Variants in TSFM observed in about 807,000 individuals in gnomAD.
The protein encoded by TSFM is elongation factor Ts, mitochondrial.
TSFM carries 29 observed loss-of-function variants against 33.4 expected under a neutral mutation model. The ratio of observed to expected loss-of-function variants is 0.87; its 90% CI spans 0.65 to 1.18. The LOEUF is 1.18. Ranked by LOEUF, TSFM falls within the 50% of genes most tolerant of loss-of-function variation. The probability of loss-of-function intolerance (pLI) is 0.00; values close to 1 mark genes in which losing one functional copy is unlikely to be tolerated. For missense variants in TSFM, 394 were observed against 395.6 expected (o/e 1.00, Z 0.04); for synonymous variants, 178 against 163.5 (o/e 1.09, Z -0.68).
At chr12:57,783,427 A>G (rs1955541535) in intron 2 of TSFM, 144 bp downstream of exon 2, 1 of 1,070,698 alleles carries the variant, frequency 9.3e-7, no homozygotes, top group Admixed American at 1.8e-5. Flanking sequence ...TTAAATGACA[A>G]CCTTGGCCTT....
At chr12:57,799,116 T>G (rs1009112194), downstream of TSFM, among the ~76,000 whole-genome samples, 7 of 152,118 alleles carry the variant, frequency 4.6e-5, no homozygotes, top group African/African-American at 1.7e-4. Flanking sequence ...GGAGCAGGTA[T>G]GGGAAGCAGT....
intron 5 of TSFM, among the ~76,000 whole-genome samples, chr12:57,794,961 G>A (rs1223944534): frequency 1.3e-5 from 2 of 150,800 alleles, no homozygotes; most frequent in Non-Finnish European, 3.0e-5. Context: ...GGGTTTCACC[G>A]TGTTAGCCAG....
At chr12:57,787,568 A>G (rs2140418543) in intron 4 of TSFM, among the ~76,000 whole-genome samples, 1 of 152,320 alleles carries the variant, frequency 6.6e-6, no homozygotes, top group Admixed American at 6.5e-5. Context: ...AGTTAGCCAG[A>G]TCAAGTGAAG....
At chr12:57,783,071 G>A in intron 1 of TSFM, 39 bp from the exon 2 acceptor site, 1 of 1,582,258 alleles carries the variant, frequency 6.3e-7, no homozygotes, top group East Asian at 2.2e-5. Flanking sequence ...TCTGGAGTTT[G>A]CTGCTTCCTG....
chr12:57,802,460 C>T (rs900268677), downstream of TSFM: 5 of 1,308,864 alleles, frequency 3.8e-6, no homozygotes, highest in Admixed American at 2.0e-5. Context: ...TTCACAGCCT[C>T]AGAAAACTTT....
intron 3 of TSFM, 72 bp downstream of exon 3, chr12:57,786,363 G>A: frequency 2.7e-6 from 4 of 1,502,492 alleles, no homozygotes; most frequent in Non-Finnish European, 3.6e-6. Flanking sequence ...AGGCCCTAAA[G>A]GGGCCTGTTC....
At chr12:57,797,635 G>T, downstream of TSFM, 2 of 875,088 alleles carry the variant, frequency 2.3e-6, no homozygotes, top group Non-Finnish European at 2.8e-6. Flanking sequence ...CAGTTTTAGT[G>T]CTTTCTGCTG....
At position 57,783,125 on chromosome 12, in the gene TSFM, C is replaced by A; in HGVS notation, c.73C>A (p.Arg25Ser). ...TCTCATCTAGGCTGGGTCTCTTCTGCGTCAGTCGCCCCAGCCAAGGCACAC... is the reference window on the plus strand; with the variant it reads ...TCTCATCTAGGCTGGGTCTCTTCTGAGTCAGTCGCCCCAGCCAAGGCACAC... ...TGSYPAGSLL[R>S]QSPQPRHTFY... is the part of the protein sequence containing the mutation. Residue 25 changes from arginine to serine, a missense_variant, in exon 2 of 6, where the codon CGT becomes AGT. By Grantham distance (110) the Arg-to-Ser change is moderately radical. Transcript: ENST00000652027. 1 of 1,610,700 alleles carries A rather than the reference C, an allele frequency of 6.2e-7. No individual in the cohort carries two copies. The highest frequency in any genetic ancestry group is 1.7e-5 in the Admixed American group (1 of 59,988).
intron 5 of TSFM, among the ~76,000 whole-genome samples, chr12:57,793,458 G>A (rs1327735334): frequency 2.0e-5 from 3 of 151,998 alleles, no homozygotes; most frequent in East Asian, 1.9e-4. Context: ...TCCTGACCTC[G>A]TGATCCGCCC....
chr12:57,782,887 T>G, intron 1 of TSFM, 29 bp downstream of exon 1: 13 of 1,573,430 alleles, frequency 8.3e-6, no homozygotes, highest in Non-Finnish European at 1.1e-5. Flanking sequence ...GGTACCGACC[T>G]GCTGTCCCTG....
intron 4 of TSFM, among the ~76,000 whole-genome samples, chr12:57,791,538 A>G (rs761279930): frequency 3.3e-5 from 5 of 152,162 alleles, no homozygotes; most frequent in African/African-American, 9.7e-5. Flanking sequence ...TCTTTGTTGC[A>G]CAGATAGTAG....
In TSFM at chr12:57,786,234, G is replaced by T; in HGVS notation, c.303G>T (p.Lys101Asn). 6.2e-7 allele frequency: 1 copy of T among 1,611,950 alleles called. No individual in the cohort carries two copies. Among genetic ancestry groups the T allele is most frequent in the South Asian group, 1.1e-5 (1 of 90,550 alleles). ...AAGCTGCCAAGCTCCAAGGGAGGAA[G>T]ACCAAAGAAGGCCTGATTGGGCTGT... ...WSKAAKLQGR[K>N]TKEGLIGLLQ... Residue 101 changes from lysine to asparagine, a missense_variant, in exon 3 of 6, where the codon AAG becomes AAT. Physicochemically the swap from Lys to Asn is moderately conservative, Grantham distance 94 (BLOSUM62 0). Transcript: ENST00000652027.
intron 5 of TSFM, among the ~76,000 whole-genome samples, chr12:57,795,522 A>C (rs1955722418): frequency 1.3e-5 from 2 of 152,204 alleles, no homozygotes; most frequent in Admixed American, 6.6e-5. Context: ...TCATTGAGTC[A>C]CTTGCCCGAG....
downstream of TSFM, chr12:57,799,715 T>A: frequency 6.3e-7 from 1 of 1,594,032 alleles, no homozygotes. Context: ...GCCGGAGCTG[T>A]CCTAGGCCAT....
At chr12:57,786,621 T>C (rs1426527520) in intron 3 of TSFM, among the ~76,000 whole-genome samples, 1 of 152,146 alleles carries the variant, frequency 6.6e-6, no homozygotes, top group Non-Finnish European at 1.5e-5. Flanking sequence ...AGAGAGTAGG[T>C]ATTTTAGAGG....
downstream of TSFM, among the ~76,000 whole-genome samples, chr12:57,798,620 CTTTTT>C (rs1337769787): frequency 7.1e-6 from 1 of 140,666 alleles, no homozygotes; most frequent in Non-Finnish European, 1.6e-5. Context: ...CTTTTCTTTT[CTTTTT>C]TTTTTTTTTG....
chr12:57,782,886 C>T (rs763353745), intron 1 of TSFM, 28 bp downstream of exon 1: 47 of 1,573,140 alleles, frequency 3.0e-5, no homozygotes, highest in Non-Finnish European at 3.9e-5. Context: ...TGGTACCGAC[C>T]TGCTGTCCCT....
Position 57,796,439 on chromosome 12 carries a change from G to A in TSFM, c.834G>A (p.Glu278=). The A allele has an allele frequency of 6.2e-7, 1 of 1,601,694 alleles. No homozygotes were observed. The highest frequency in any genetic ancestry group is 8.5e-7 in the Non-Finnish European group (1 of 1,173,882). ...VGSLDDEPGG[E]AETKMLSQPY... is the part of the protein sequence containing the mutation. ...CCCTGGACGATGAGCCTGGGGGAGA[G>A]GCAGAGACTAAGATGCTGTCCCAGC... Residue 278 remains glutamate, a synonymous_variant, in exon 6 of 6, where the codon GAG becomes GAA. Coordinates refer to ENST00000652027, the MANE Select transcript of TSFM (RefSeq NM_005726.6).
rs949796442 is a variant in TSFM at position 57,796,173 on chromosome 12, A to T, written c.572-4A>T. 6.4e-7 allele frequency: 1 copy of T among 1,566,896 alleles called. No individual in the cohort carries two copies. The highest frequency in any genetic ancestry group is 1.4e-5 in the African/African-American group (1 of 72,812). ...GTGTTGGTTTTTTGTTTTTGCTTTA[A>T]TAGGAAAACTGGGAGAAAACATGAT... On this transcript the variant is annotated splice_region_variant and splice_polypyrimidine_tract_variant and intron_variant, in intron 5 of 5. Transcript: ENST00000652027.
Sources: allele counts gnomAD v4.1 joint callset (sites outside exome capture counted in the v4.1 genomes callset), GRCh38; gene constraint gnomAD v4.1.1; transcripts MANE v1.5; gene names NCBI Gene and HGNC (gene_info 2026-07-23, HGNC 2026-07-21).